The following PTPRD variants were observed in gnomAD, a reference collection of about 807,000 sequenced individuals.
PTPRD encodes protein tyrosine phosphatase receptor type D.
Under a neutral mutation model 214.5 loss-of-function variants are expected in PTPRD, and 34 were observed. That is an observed-to-expected ratio of 0.16 (90% CI 0.12 to 0.21). PTPRD has a LOEUF of 0.21. Among genes scored for constraint, PTPRD ranks in the 10% least tolerant of loss-of-function variants. The pLI is 1.00. For synonymous variants in PTPRD, 1,128 were observed against 845.7 expected, an observed-to-expected ratio of 1.33 and a Z score of -5.79; for missense variants, 2,545 against 2,398.7, an observed-to-expected ratio of 1.06 and a Z score of -1.27.
chr9:9,114,987 T>C (rs2099810940), intron 10 of PTPRD, among the ~76,000 whole-genome samples: 4 of 152,246 alleles, frequency 2.6e-5, no homozygotes, highest in African/African-American at 7.2e-5. Context: ...CATTTCATGG[T>C]TGTGCGCAGA....
intron 9 of PTPRD, among the ~76,000 whole-genome samples, chr9:9,352,788 T>A (rs975444669): frequency 6.6e-6 from 1 of 151,994 alleles, no homozygotes; most frequent in Non-Finnish European, 1.5e-5. Flanking sequence ...ATTTTAAATG[T>A]CTGGAAGAAG....
At chr9:8,747,836 C>A (rs553890110) in intron 11 of PTPRD, among the ~76,000 whole-genome samples, 1 of 152,294 alleles carries the variant, frequency 6.6e-6, no homozygotes, top group Admixed American at 6.5e-5. Context: ...TCAAAACTAT[C>A]AAGCAGATAG....
At chr9:9,135,827 T>C (rs1284112222) in intron 10 of PTPRD, among the ~76,000 whole-genome samples, 2 of 152,136 alleles carry the variant, frequency 1.3e-5, no homozygotes, top group African/African-American at 4.8e-5. Context: ...ACTAGAAATA[T>C]TCAGCTTGAA....
At chr9:8,489,529 A>G (rs2097105689) in intron 27 of PTPRD, among the ~76,000 whole-genome samples, 1 of 152,188 alleles carries the variant, frequency 6.6e-6, no homozygotes, top group East Asian at 1.9e-4. Flanking sequence ...AAAGAAATGA[A>G]TGCTTATGCA....
chr9:8,609,560 T>G (rs1374018206), intron 14 of PTPRD, among the ~76,000 whole-genome samples: 1 of 152,188 alleles, frequency 6.6e-6, no homozygotes, highest in Non-Finnish European at 1.5e-5. Flanking sequence ...CATGTGAAGA[T>G]CTCTGCTCAT....
At chr9:9,456,482 C>T (rs1027206866) in intron 8 of PTPRD, among the ~76,000 whole-genome samples, 4 of 151,716 alleles carry the variant, frequency 2.6e-5, no homozygotes, top group Admixed American at 1.3e-4. Context: ...TCATGGCTTC[C>T]CTGTTCTTAC....
intron 5 of PTPRD, among the ~76,000 whole-genome samples, chr9:9,856,701 T>A (rs1057047127): frequency 6.6e-6 from 1 of 152,090 alleles, no homozygotes; most frequent in South Asian, 2.1e-4. Context: ...GTTAAAGCTG[T>A]CCCAATTTTC....
At chr9:9,654,992 C>CATAT (rs377187243) in intron 7 of PTPRD, among the ~76,000 whole-genome samples, 20 of 145,736 alleles carry the variant, frequency 1.4e-4, no homozygotes, top group African/African-American at 5.3e-4. Context: ...TAAACTGAAG[C>CATAT]ATATATATAT....
At chr9:10,117,709 T>G (rs2098742419) in intron 3 of PTPRD, among the ~76,000 whole-genome samples, 1 of 151,854 alleles carries the variant, frequency 6.6e-6, no homozygotes, top group African/African-American at 2.4e-5. Context: ...TATTTTCAGT[T>G]AAGGGCATTT....
rs1036058068 is a variant in PTPRD, at chr9:9,428,122, T to G, written c.-236-30640A>C. Among the ~76,000 whole-genome samples the G allele has an allele frequency of 5.3e-5, 8 of 152,060 alleles. No homozygotes were observed. The South Asian group carries it at 1.7e-3, about 31-fold the overall frequency. ...AATTAAAAAACACAGACTGGCAAAT[T>G]GGATAAAGAGTCAAGACCCATCAGT... is the stretch of plus-strand genomic sequence containing the variant. On this transcript the variant is annotated intron_variant, in intron 8 of 45. Transcript: ENST00000381196.
chr9:9,153,151 C>G (rs1042012732), intron 10 of PTPRD, among the ~76,000 whole-genome samples: 1 of 152,176 alleles, frequency 6.6e-6, no homozygotes, highest in Non-Finnish European at 1.5e-5. Flanking sequence ...GGAATTAAAC[C>G]TGTAACTCAG....
At chr9:9,827,782 A>G (rs1234323479) in intron 5 of PTPRD, among the ~76,000 whole-genome samples, 2 of 152,214 alleles carry the variant, frequency 1.3e-5, no homozygotes, top group Non-Finnish European at 2.9e-5. Flanking sequence ...AATATCTAGA[A>G]TCTACAAAGA....
intron 3 of PTPRD, among the ~76,000 whole-genome samples, chr9:10,215,130 C>T (rs2475324): frequency 0.35 from 52,936 of 151,628 alleles, 10,334 homozygotes; most frequent in African/African-American, 0.52. Context: ...TTTTAAGATA[C>T]TATTATCGAC....
In PTPRD at chr9:8,502,863, T is replaced by TAC. The variant is rs930679314; in HGVS notation, c.1822+1396_1822+1397dup. ...ATGTGTGTGTGTATATATATATATA[T>TAC]ACACACACACACATATGTTAAAAAC... On this transcript the variant is annotated intron_variant, in intron 23 of 45. Coordinates refer to ENST00000381196, the MANE Select transcript of PTPRD (RefSeq NM_002839.4). 1.9e-4 allele frequency among the ~76,000 whole-genome samples: 29 copies of TAC among 150,448 alleles called. 1 individual carries two copies. The highest frequency in any genetic ancestry group is 2.7e-4 in the Admixed American group (4 of 15,072).
intron 7 of PTPRD, among the ~76,000 whole-genome samples, chr9:9,652,860 T>A (rs1052607850): frequency 1.1e-4 from 16 of 152,070 alleles, no homozygotes; most frequent in Non-Finnish European, 2.4e-4. Context: ...GTGATCCACC[T>A]GCCTCAGCCT....
At chr9:8,916,226 G>C (rs1025066278) in intron 11 of PTPRD, among the ~76,000 whole-genome samples, 3 of 152,112 alleles carry the variant, frequency 2.0e-5, no homozygotes, top group Non-Finnish European at 4.4e-5. Context: ...GTTAATGGAA[G>C]CCATCAGCAC....
At chr9:8,794,347 T>C (rs1320852844) in intron 11 of PTPRD, among the ~76,000 whole-genome samples, 3 of 152,192 alleles carry the variant, frequency 2.0e-5, no homozygotes, top group South Asian at 4.1e-4. Context: ...CTTAAGCCCA[T>C]TTTACATACT....
At chr9:9,736,605 A>G (rs567873493) in intron 6 of PTPRD, among the ~76,000 whole-genome samples, 1 of 152,124 alleles carries the variant, frequency 6.6e-6, no homozygotes, top group East Asian at 1.9e-4. Flanking sequence ...TTTCCAGAAA[A>G]TATTTCTTTT....
chr9:8,536,714 C>T (rs1420336483), intron 14 of PTPRD, among the ~76,000 whole-genome samples: 3 of 151,934 alleles, frequency 2.0e-5, no homozygotes, highest in Non-Finnish European at 1.5e-5. Context: ...TGAGCAGGCA[C>T]CAAAAGTCAG....
Sources: gnomAD v4.1 joint callset for allele counts (sites outside exome capture counted in the v4.1 genomes callset) on GRCh38, gnomAD v4.1.1 for gene constraint, MANE v1.5 for transcripts, NCBI Gene and HGNC (gene_info 2026-07-23, HGNC 2026-07-21) for gene names.